Variants in PELI2 observed in about 807,000 individuals in gnomAD.
PELI2 encodes pellino E3 ubiquitin protein ligase family member 2, also known as E3 ubiquitin-protein ligase pellino homolog 2.
In PELI2, 23 loss-of-function variants were observed where a neutral mutation model predicts 42.3. That is an observed-to-expected ratio of 0.54 (90% CI 0.39 to 0.77). PELI2 has a LOEUF of 0.77. Among genes scored for constraint, PELI2 ranks in the 30% least tolerant of loss-of-function variants. The probability of loss-of-function intolerance (pLI) is 0.00; values close to 1 mark genes in which losing one functional copy is unlikely to be tolerated. For missense variants in PELI2, 463 were observed against 553.2 expected, an observed-to-expected ratio of 0.84 and a Z score of 1.64; for synonymous variants, 245 against 212.2, an observed-to-expected ratio of 1.15 and a Z score of -1.34.
intron 2 of PELI2, among the ~76,000 whole-genome samples, chr14:56,237,071 C>T (rs1405127527): frequency 6.6e-6 from 1 of 152,200 alleles, no homozygotes; most frequent in Non-Finnish European, 1.5e-5. Context: ...CCCCCTTTAG[C>T]AAATGTCCCC....
chr14:56,243,792 C>G lies in PELI2; in HGVS notation c.208-35884C>G, dbSNP rs1448620140. 2.0e-5 allele frequency among the ~76,000 whole-genome samples: 3 copies of G among 151,954 alleles called. No homozygotes were observed. The East Asian group carries it at 5.8e-4, about 29-fold the overall frequency. On this transcript the variant is annotated intron_variant, in intron 2 of 5. Coordinates refer to ENST00000267460, the MANE Select transcript of PELI2 (RefSeq NM_021255.3). ...ATAAGCATAAATAGTGAAGGGAAAC[C>G]CAGTGTCATTATAAAATGTGAATCT...
At chr14:56,228,113 A>G (rs1887427892) in intron 2 of PELI2, among the ~76,000 whole-genome samples, 1 of 152,272 alleles carries the variant, frequency 6.6e-6, no homozygotes, top group Admixed American at 6.5e-5. Context: ...CTTTCAAAGA[A>G]GGCTCCTGCC....
At chr14:56,295,583 G>A (rs1161205850) in intron 5 of PELI2, among the ~76,000 whole-genome samples, 1 of 152,208 alleles carries the variant, frequency 6.6e-6, no homozygotes, top group Non-Finnish European at 1.5e-5. Context: ...AATAGTAGCA[G>A]GTATTTACAG....
chr14:56,298,223 A>G lies in PELI2; in HGVS notation c.*1057A>G, dbSNP rs1413655307. 2 of 152,610 alleles carry G rather than the reference A, an allele frequency of 1.3e-5. No homozygotes were observed. Among genetic ancestry groups the G allele is most frequent in the Non-Finnish European group, 2.9e-5 (2 of 68,036 alleles). The allele number at this position is 152,610 out of a possible 1,614,324, so 9.5% of individuals were successfully genotyped here. A position where few individuals can be genotyped will look rare whatever the true frequency, so the allele number is the denominator to read the frequency against. On this transcript the variant is annotated 3_prime_UTR_variant, in exon 6 of 6. Coordinates refer to ENST00000267460, the MANE Select transcript of PELI2 (RefSeq NM_021255.3). ...GCTTAAGGAGCCCAGTAAGTTTTGA[A>G]AATGTTTGCGAATCAAACTAAATTT...
chr14:56,166,204 C>T (rs1052938293), intron 1 of PELI2, among the ~76,000 whole-genome samples: 5 of 152,122 alleles, frequency 3.3e-5, no homozygotes, highest in Middle Eastern at 3.4e-3. Context: ...TATTTTAACC[C>T]AATAACAACC....
At chr14:56,236,287 G>A (rs1357879522) in intron 2 of PELI2, among the ~76,000 whole-genome samples, 1 of 152,164 alleles carries the variant, frequency 6.6e-6, no homozygotes, top group Admixed American at 6.5e-5. Flanking sequence ...GGCTCTTTGT[G>A]CAGAGATAAG....
chr14:56,160,356 T>C (rs1884715012), intron 1 of PELI2, among the ~76,000 whole-genome samples: 1 of 152,196 alleles, frequency 6.6e-6, no homozygotes, highest in Non-Finnish European at 1.5e-5. Context: ...ACATTTGGCA[T>C]TGGAGGCAGA....
rs1242513408 is a variant in PELI2 at position 56,249,128 on chromosome 14, G to C, written c.208-30548G>C. Reference sequence around the variant, plus strand: ...TCGGAAGTGTGTATTGGCTTCAAAAGATTGGTACAGGTCTCTTTTAGTTTC... The same window carrying C: ...TCGGAAGTGTGTATTGGCTTCAAAACATTGGTACAGGTCTCTTTTAGTTTC... On this transcript the variant is annotated intron_variant, in intron 2 of 5. Transcript: ENST00000267460. 2.0e-5 allele frequency among the ~76,000 whole-genome samples: 3 copies of C among 152,160 alleles called. No individual in the cohort carries two copies. The East Asian group carries it at 5.8e-4, about 29-fold the overall frequency.
intron 2 of PELI2, among the ~76,000 whole-genome samples, chr14:56,261,800 A>G (rs989478057): frequency 2.6e-5 from 4 of 152,210 alleles, no homozygotes; most frequent in African/African-American, 9.6e-5. Context: ...TAAGGTGTAT[A>G]TATTTATCTT....
chr14:56,186,196 G>A (rs1885763572), intron 2 of PELI2, among the ~76,000 whole-genome samples: 1 of 152,128 alleles, frequency 6.6e-6, no homozygotes, highest in African/African-American at 2.4e-5. Flanking sequence ...GAAGAAGAGG[G>A]GACTATGAGC....
At chr14:56,172,956 C>G (rs753936856) in intron 1 of PELI2, among the ~76,000 whole-genome samples, 3 of 152,184 alleles carry the variant, frequency 2.0e-5, no homozygotes, top group Non-Finnish European at 4.4e-5. Flanking sequence ...AGGGCTGTTT[C>G]CTTAAATAGT....
In PELI2 at chr14:56,272,610, C is replaced by T. The variant is rs571634690; in HGVS notation, c.208-7066C>T. On this transcript the variant is annotated intron_variant, in intron 2 of 5. Coordinates refer to ENST00000267460, the MANE Select transcript of PELI2 (RefSeq NM_021255.3). ...AATGTCCATGTGACACACTTGGTGG[C>T]CTTTGTCTTCTCTGGCAATACTTTG... is the stretch of plus-strand genomic sequence containing the variant. 2.1e-4 allele frequency among the ~76,000 whole-genome samples: 32 copies of T among 152,322 alleles called. No homozygotes were observed. The East Asian group carries it at 6.0e-3, about 28-fold the overall frequency.
Position 56,297,212 on chromosome 14 carries a change from G to A in PELI2, c.*46G>A. 7.3e-7 allele frequency: 1 copy of A among 1,366,534 alleles called. No individual in the cohort carries two copies. The allele number at this position is 1,366,534 out of a possible 1,614,324, so 84.7% of individuals were successfully genotyped here. On this transcript the variant is annotated 3_prime_UTR_variant, in exon 6 of 6. Transcript: ENST00000267460. ...GACTTTATTAACAGGTTACTGTGAAGATTTTGCCACTAACTCTAGATTTTA... is the reference window on the plus strand; with the variant it reads ...GACTTTATTAACAGGTTACTGTGAAAATTTTGCCACTAACTCTAGATTTTA...
intron 1 of PELI2, among the ~76,000 whole-genome samples, chr14:56,128,220 GA>G (rs1304659772): frequency 1.3e-5 from 2 of 152,166 alleles, no homozygotes; most frequent in African/African-American, 4.8e-5. Flanking sequence ...AGGGGTGGTG[GA>G]GCCTACATAA....
chr14:56,167,430 A>G (rs1370141850), intron 1 of PELI2, among the ~76,000 whole-genome samples: 1 of 152,032 alleles, frequency 6.6e-6, no homozygotes, highest in African/African-American at 2.4e-5. Context: ...CAAATTCTTC[A>G]GCTTGATCCA....
chr14:56,203,229 A>C lies in PELI2; in HGVS notation c.207+24765A>C, dbSNP rs200333000. On this transcript the variant is annotated intron_variant, in intron 2 of 5. Transcript: ENST00000267460. ...GTGGCACATGCCAGTAATCCCAGCT[A>C]CTCGGGAGGCTGAGGCATGAGAATT... Among the ~76,000 whole-genome samples the C allele has an allele frequency of 7.9e-5, 12 of 152,168 alleles. No individual in the cohort carries two copies. The East Asian group carries it at 2.3e-3, about 29-fold the overall frequency.
chr14:56,288,597 C>T lies in PELI2; in HGVS notation c.470C>T (p.Ala157Val). 1.9e-6 allele frequency: 3 copies of T among 1,613,914 alleles called. No homozygotes were observed. Among genetic ancestry groups the T allele is most frequent in the Middle Eastern group, 1.7e-4 (1 of 6,060 alleles). ...RNEPYTARIF[A>V]AGFDSSKNIF... ...GAACCTTACACAGCACGGATATTCGCCGCCGGATTTGACTCTTCCAAAAAC... is the reference window on the plus strand; with the variant it reads ...GAACCTTACACAGCACGGATATTCGTCGCCGGATTTGACTCTTCCAAAAAC... Residue 157 changes from alanine to valine, a missense_variant, in exon 4 of 6, where the codon GCC becomes GTC. This residue lies in a region of PELI2 where 343 missense variants were observed against 378.4 expected (regional missense o/e 0.91). Transcript: ENST00000267460. The surrounding 1 kb of genome is among the most constrained non-coding windows in gnomAD (Gnocchi z 4.6).
chr14:56,274,987 A>G (rs540737731), intron 2 of PELI2, among the ~76,000 whole-genome samples: 1 of 152,294 alleles, frequency 6.6e-6, no homozygotes, highest in African/African-American at 2.4e-5. Context: ...TACCTTTGCT[A>G]GTGAGAAGTA....
intron 3 of PELI2, among the ~76,000 whole-genome samples, chr14:56,282,797 CT>C (rs1731903425): frequency 1.3e-5 from 2 of 151,926 alleles, no homozygotes; most frequent in Admixed American, 1.3e-4. Context: ...ATATTCTCCC[CT>C]GTTGATATTT....
Sources: gnomAD v4.1 joint callset for allele counts (sites outside exome capture counted in the v4.1 genomes callset) on GRCh38, gnomAD v4.1.1 for gene constraint, gnomAD v4.1.1 regional missense constraint, Gnocchi (gnomAD v3.1) non-coding constraint, MANE v1.5 for transcripts, NCBI Gene and HGNC (gene_info 2026-07-23, HGNC 2026-07-21) for gene names.